The following CCSER1 variants were observed in gnomAD, a reference collection of about 807,000 sequenced individuals.
The protein encoded by CCSER1 is serine-rich coiled-coil domain-containing protein 1.
CCSER1 carries 41 observed loss-of-function variants against 82.0 expected under a neutral mutation model. That is an observed-to-expected ratio of 0.50 (90% confidence interval 0.39 to 0.65). CCSER1 has a LOEUF of 0.65. Ranked by LOEUF, CCSER1 falls within the 30% of genes least tolerant of loss-of-function variation. CCSER1 has a pLI of 0.00. For synonymous variants in CCSER1, 414 were observed against 383.9 expected (o/e 1.08, Z -0.92); for missense variants, 1,119 against 1,064.2 (o/e 1.05, Z -0.72).
At chr4:90,418,939 G>A (rs1028653125) in intron 4 of CCSER1, among the ~76,000 whole-genome samples, 5 of 151,936 alleles carry the variant, frequency 3.3e-5, no homozygotes, top group African/African-American at 1.2e-4. Context: ...AATCCTCACA[G>A]CAATTCTCAG....
intron 9 of CCSER1, among the ~76,000 whole-genome samples, chr4:91,027,954 C>T (rs536400746): frequency 6.6e-6 from 1 of 152,072 alleles, no homozygotes; most frequent in South Asian, 2.1e-4. Flanking sequence ...ATATTCTAAT[C>T]ATTGTAATTG....
At chr4:90,836,346 CAA>C (rs58727029) in intron 8 of CCSER1, among the ~76,000 whole-genome samples, 2 of 146,550 alleles carry the variant, frequency 1.4e-5, no homozygotes, top group African/African-American at 5.0e-5. Context: ...ATTAGAAAAA[CAA>C]AAAAAAAACA....
At chr4:90,416,052 C>G (rs1291515109) in intron 4 of CCSER1, among the ~76,000 whole-genome samples, 1 of 152,098 alleles carries the variant, frequency 6.6e-6, no homozygotes, top group African/African-American at 2.4e-5. Context: ...AAGATACAAA[C>G]TTTCAGTTGT....
chr4:90,345,167 G>A (rs750133434), intron 3 of CCSER1, among the ~76,000 whole-genome samples: 1 of 152,048 alleles, frequency 6.6e-6, no homozygotes, highest in Non-Finnish European at 1.5e-5. Context: ...GTGTAAGCTG[G>A]CCTTTAATAC....
chr4:91,102,491 T>C (rs1725173584), intron 10 of CCSER1, among the ~76,000 whole-genome samples: 1 of 152,188 alleles, frequency 6.6e-6, no homozygotes, highest in Admixed American at 6.5e-5. Context: ...TTACAGCGGA[T>C]TTTACAAAGA....
At chr4:91,474,080 A>G (rs1273370932) in intron 10 of CCSER1, among the ~76,000 whole-genome samples, 1 of 152,006 alleles carries the variant, frequency 6.6e-6, no homozygotes, top group African/African-American at 2.4e-5. Flanking sequence ...CTATTGCTGT[A>G]TTTTGCATGT....
chr4:90,993,519 T>C (rs867679132), intron 9 of CCSER1, among the ~76,000 whole-genome samples: 6 of 152,042 alleles, frequency 3.9e-5, no homozygotes, highest in Non-Finnish European at 8.8e-5. Flanking sequence ...TCTTCATCAA[T>C]ATATTACTGT....
intron 9 of CCSER1, among the ~76,000 whole-genome samples, chr4:91,072,839 AAAT>A (rs1281517768): frequency 1.3e-5 from 2 of 152,202 alleles, no homozygotes; most frequent in Admixed American, 1.3e-4. Context: ...AATGATATAA[AAAT>A]AATCCATGTA....
Position 91,517,613 on chromosome 4 carries a change from C to T in CCSER1, c.2218-80959C>T, listed in dbSNP as rs148329204. Among the ~76,000 whole-genome samples, 47 of 152,188 alleles carry T rather than the reference C, an allele frequency of 3.1e-4. No homozygotes were observed. The East Asian group carries it at 8.3e-3, about 27-fold the overall frequency. On this transcript the variant is annotated intron_variant, in intron 10 of 10. Coordinates refer to ENST00000509176, the MANE Select transcript of CCSER1 (RefSeq NM_001145065.2). Reference sequence around the variant, plus strand: ...ATTCCTGTCCATATTCTTAATTCTACGTCTGTCATTTCAGGAACCTCAGCC... The same window carrying T: ...ATTCCTGTCCATATTCTTAATTCTATGTCTGTCATTTCAGGAACCTCAGCC...
At chr4:91,227,554 G>GT (rs558363023) in intron 10 of CCSER1, among the ~76,000 whole-genome samples, 1,693 of 145,668 alleles carry the variant, frequency 0.012, 47 homozygotes, top group Admixed American at 0.07. Flanking sequence ...ACATGTACTG[G>GT]TTTTTTTTTT....
intron 7 of CCSER1, among the ~76,000 whole-genome samples, chr4:90,761,036 A>G (rs1750338195): frequency 6.6e-6 from 1 of 152,122 alleles, no homozygotes; most frequent in African/African-American, 2.4e-5. Context: ...ATAAATGTGA[A>G]TATTTGAAAT....
At position 90,779,695 on chromosome 4, in the gene CCSER1, C is replaced by T. The variant is rs527746981; in HGVS notation, c.2011-36067C>T. On this transcript the variant is annotated intron_variant, in intron 7 of 10. Coordinates refer to ENST00000509176, the MANE Select transcript of CCSER1 (RefSeq NM_001145065.2). ...ACATTCTTCCTTGACACTGAGCCCACGAGCTGAAAAATACCTGATATTTTT... is the reference window on the plus strand; with the variant it reads ...ACATTCTTCCTTGACACTGAGCCCATGAGCTGAAAAATACCTGATATTTTT... Among the ~76,000 whole-genome samples the T allele has an allele frequency of 2.2e-4, 34 of 152,280 alleles. 1 individual carries two copies. The South Asian group carries it at 5.6e-3, about 25-fold the overall frequency.
intron 10 of CCSER1, among the ~76,000 whole-genome samples, chr4:91,189,761 AT>A (rs1734850375): frequency 1.3e-5 from 2 of 152,080 alleles, no homozygotes; most frequent in Non-Finnish European, 2.9e-5. Context: ...TAACCTTACC[AT>A]TTATAGGTAT....
At chr4:90,884,245 T>C (rs1721777197) in intron 8 of CCSER1, among the ~76,000 whole-genome samples, 1 of 152,164 alleles carries the variant, frequency 6.6e-6, no homozygotes, top group Non-Finnish European at 1.5e-5. Context: ...GCATAATATT[T>C]GGCATATAGT....
chr4:90,401,119 A>G (rs1354337897), intron 4 of CCSER1, among the ~76,000 whole-genome samples: 2 of 152,270 alleles, frequency 1.3e-5, no homozygotes, highest in South Asian at 2.1e-4. Context: ...CAATGTTGAT[A>G]TTTTCTTACA....
At chr4:91,454,260 C>T (rs1037780787) in intron 10 of CCSER1, among the ~76,000 whole-genome samples, 2 of 152,022 alleles carry the variant, frequency 1.3e-5, no homozygotes, top group African/African-American at 2.4e-5. Context: ...CAGGGCTGGT[C>T]GCCCTACAAA....
chr4:90,779,429 G>T (rs996433487), intron 7 of CCSER1, among the ~76,000 whole-genome samples: 3 of 151,656 alleles, frequency 2.0e-5, no homozygotes, highest in Non-Finnish European at 4.4e-5. Flanking sequence ...AAAAATCTGC[G>T]TCTTGTGCAA....
chr4:90,915,677 G>A (rs1460286492), intron 8 of CCSER1, among the ~76,000 whole-genome samples: 1 of 151,330 alleles, frequency 6.6e-6, no homozygotes, highest in African/African-American at 2.4e-5. Flanking sequence ...CAATCAGGCA[G>A]GAGAAAGAAA....
At chr4:90,972,858 A>G (rs1330653525) in intron 9 of CCSER1, among the ~76,000 whole-genome samples, 1 of 151,792 alleles carries the variant, frequency 6.6e-6, no homozygotes, top group East Asian at 1.9e-4. Context: ...AATTCTCCAC[A>G]TTTGTAGTCA....
Sources: gnomAD v4.1 joint callset for allele counts (sites outside exome capture counted in the v4.1 genomes callset) on GRCh38, gnomAD v4.1.1 for gene constraint, MANE v1.5 for transcripts, NCBI Gene and HGNC (gene_info 2026-07-23, HGNC 2026-07-21) for gene names.